TTC28: variants seen among roughly 807,000 people sequenced by gnomAD.
TTC28 encodes the protein tetratricopeptide repeat protein 28.
In TTC28, 61 loss-of-function variants were observed where a neutral mutation model predicts 198.0. The ratio of observed to expected loss-of-function variants is 0.31; its 90% CI spans 0.25 to 0.38. The LOEUF is 0.38. Among genes scored for constraint, TTC28 ranks in the 10% least tolerant of loss-of-function variants. The pLI, the probability that TTC28 is intolerant of heterozygous loss-of-function variation, is 1.00. For synonymous variants in TTC28, 1,171 were observed against 1,297.8 expected, an observed-to-expected ratio of 0.90 and a Z score of 2.10; for missense variants, 2,678 against 3,164.0, an observed-to-expected ratio of 0.85 and a Z score of 3.69.
At chr22:28,349,248 T>C (rs1371265517) in intron 2 of TTC28, among the ~76,000 whole-genome samples, 1 of 152,198 alleles carries the variant, frequency 6.6e-6, no homozygotes, top group Non-Finnish European at 1.5e-5. Flanking sequence ...GGTCATATTT[T>C]TTCAGCCTGC....
At position 28,510,857 on chromosome 22, in the gene TTC28, CAAT is replaced by C. The variant is rs539646340; in HGVS notation, c.381+118692_381+118694del. Reference sequence around the variant, plus strand: ...AAAAATCACTAGCATTCCTATACACCAATAACAGGCAAGCAGAAAGACCAATCA... The same window carrying C: ...AAAAATCACTAGCATTCCTATACACCAACAGGCAAGCAGAAAGACCAATCA... On this transcript the variant is annotated intron_variant, in intron 2 of 22. Transcript: ENST00000397906. 1.8e-3 allele frequency among the ~76,000 whole-genome samples: 280 copies of C among 151,836 alleles called. 1 individual carries two copies. The highest frequency in any genetic ancestry group is 3.2e-3 in the Non-Finnish European group (220 of 67,944).
At chr22:28,024,533 CACAA>C (rs1424121418) in intron 13 of TTC28, among the ~76,000 whole-genome samples, 1 of 152,176 alleles carries the variant, frequency 6.6e-6, no homozygotes, top group African/African-American at 2.4e-5. Context: ...AAGAGAGGGA[CACAA>C]ACAAAACTGC....
chr22:28,186,112 T>C (rs1924178699), intron 5 of TTC28, among the ~76,000 whole-genome samples: 1 of 152,142 alleles, frequency 6.6e-6, no homozygotes, highest in African/African-American at 2.4e-5. Flanking sequence ...TATCACAAAA[T>C]GGATATAGAC....
At chr22:28,406,904 A>C (rs2047005570) in intron 2 of TTC28, among the ~76,000 whole-genome samples, 1 of 152,200 alleles carries the variant, frequency 6.6e-6, no homozygotes, top group Non-Finnish European at 1.5e-5. Flanking sequence ...AAAGGCTATT[A>C]ACAAATTTAC....
intron 2 of TTC28, among the ~76,000 whole-genome samples, chr22:28,555,649 C>T (rs572894054): frequency 2.3e-3 from 353 of 152,016 alleles, no homozygotes; most frequent in Non-Finnish European, 4.2e-3. Context: ...GCTATGAGGA[C>T]ACAAAGGCAT....
intron 10 of TTC28, among the ~76,000 whole-genome samples, chr22:28,096,617 A>G (rs1188729270): frequency 1.3e-5 from 2 of 152,060 alleles, no homozygotes; most frequent in Non-Finnish European, 2.9e-5. Flanking sequence ...ACACTACCCT[A>G]AGCCATCAGA....
intron 2 of TTC28, among the ~76,000 whole-genome samples, chr22:28,587,912 C>G (rs193142448): frequency 6.6e-6 from 1 of 150,798 alleles, no homozygotes. Context: ...GAGACCAAGG[C>G]GGGTGGGTCA....
At chr22:28,129,435 A>T (rs1454640061) in intron 6 of TTC28, among the ~76,000 whole-genome samples, 1 of 152,210 alleles carries the variant, frequency 6.6e-6, no homozygotes, top group Non-Finnish European at 1.5e-5. Context: ...TCCCTTTCTC[A>T]TTCCAAGATG....
At chr22:28,561,022 G>T (rs1319136934) in intron 2 of TTC28, among the ~76,000 whole-genome samples, 1 of 148,472 alleles carries the variant, frequency 6.7e-6, no homozygotes, top group South Asian at 2.1e-4. Flanking sequence ...CTCCCAATGT[G>T]CTGGGATTAC....
rs533811256 is a variant in TTC28, at chr22:28,635,245, C to T, written c.103-5415G>A. Among the ~76,000 whole-genome samples, 60 of 152,072 alleles carry T rather than the reference C, an allele frequency of 3.9e-4. No individual in the cohort carries two copies. In the East Asian group the frequency reaches 8.3e-3, roughly 21 times the overall value. On this transcript the variant is annotated intron_variant, in intron 1 of 22. Transcript: ENST00000397906. ...CTGAGGCAGGAGAATGGCATGAACC[C>T]GGGAGGTGGAGGTTGCAGTGAGCTG...
intron 6 of TTC28, among the ~76,000 whole-genome samples, chr22:28,118,819 C>A (rs1332402777): frequency 6.6e-6 from 1 of 152,006 alleles, no homozygotes; most frequent in Non-Finnish European, 1.5e-5. Flanking sequence ...ACTATATTAG[C>A]CCTTATATGC....
intron 6 of TTC28, among the ~76,000 whole-genome samples, chr22:28,155,405 T>C (rs756224895): frequency 1.3e-4 from 20 of 152,196 alleles, no homozygotes; most frequent in Admixed American, 2.0e-4. Context: ...GAGTAGAACA[T>C]AGTTCATAGT....
chr22:28,234,760 T>C (rs1929105354), intron 5 of TTC28, among the ~76,000 whole-genome samples: 1 of 152,124 alleles, frequency 6.6e-6, no homozygotes, highest in Non-Finnish European at 1.5e-5. Flanking sequence ...AATAAGGGTG[T>C]GAGTAAAATT....
rs573817386 is a variant in TTC28 at position 28,315,860 on chromosome 22, G to A, written c.382-9217C>T. On this transcript the variant is annotated intron_variant, in intron 2 of 22. Coordinates refer to ENST00000397906, the MANE Select transcript of TTC28 (RefSeq NM_001145418.2). ...TCATGACAAAGAGAATGAAGGAGCA[G>A]GGACACAAAGGATGAGGTTGGAGTG... Among the ~76,000 whole-genome samples the A allele has an allele frequency of 2.0e-5, 3 of 152,248 alleles. No individual in the cohort carries two copies. In the South Asian group the frequency reaches 6.2e-4, roughly 32 times the overall value.
chr22:28,162,769 G>T (rs1569170751), intron 6 of TTC28, among the ~76,000 whole-genome samples: 1 of 152,124 alleles, frequency 6.6e-6, no homozygotes, highest in Non-Finnish European at 1.5e-5. Flanking sequence ...GGCAACATAA[G>T]AAGACGCCTG....
chr22:28,398,140 C>T (rs2046845854), intron 2 of TTC28, among the ~76,000 whole-genome samples: 1 of 152,184 alleles, frequency 6.6e-6, no homozygotes, highest in Admixed American at 6.5e-5. Context: ...GTCCCCGCCC[C>T]ATTCCAAATC....
At chr22:28,609,519 G>A (rs113465153) in intron 2 of TTC28, among the ~76,000 whole-genome samples, 1,541 of 152,262 alleles carry the variant, frequency 0.01, 34 homozygotes, top group East Asian at 0.083. Flanking sequence ...AGCCATGAGG[G>A]GCTGTGAACA....
chr22:28,431,920 G>A (rs2047435662), intron 2 of TTC28, among the ~76,000 whole-genome samples: 3 of 152,044 alleles, frequency 2.0e-5, no homozygotes, highest in Non-Finnish European at 4.4e-5. Context: ...GGAGGTTGTA[G>A]TGAGCCAAGA....
At chr22:28,059,107 G>A (rs765867147) in intron 12 of TTC28, among the ~76,000 whole-genome samples, 5 of 151,678 alleles carry the variant, frequency 3.3e-5, no homozygotes, top group Non-Finnish European at 5.9e-5. Context: ...ATGGATTTCT[G>A]TTCTTATCTT....
Sources: allele counts gnomAD v4.1 joint callset (sites outside exome capture counted in the v4.1 genomes callset), GRCh38; gene constraint gnomAD v4.1.1; transcripts MANE v1.5; gene names NCBI Gene and HGNC (gene_info 2026-07-23, HGNC 2026-07-21).